SMCO3: variants seen among roughly 807,000 people sequenced by gnomAD.
The protein encoded by SMCO3 is single-pass membrane protein with coiled-coil domains 3.
A neutral mutation model predicts 12.0 loss-of-function variants in SMCO3; 6 were observed. The observed-to-expected ratio is 0.50, with a 90% CI of 0.27 to 0.99. The LOEUF is 0.99. Ranked by LOEUF, SMCO3 falls within the 50% of genes least tolerant of loss-of-function variation. The probability of loss-of-function intolerance (pLI) is 0.11; values close to 1 mark genes in which losing one functional copy is unlikely to be tolerated. For missense variants in SMCO3, 279 were observed against 265.0 expected (o/e 1.05, Z -0.37); for synonymous variants, 96 against 96.4 (o/e 1.00, Z 0.02).
In SMCO3 at chr12:14,805,961, A is replaced by C; in HGVS notation, c.*42T>G. 1 of 1,537,290 alleles carries C rather than the reference A, an allele frequency of 6.5e-7. No individual in the cohort carries two copies. Among genetic ancestry groups the C allele is most frequent in the Non-Finnish European group, 8.8e-7 (1 of 1,138,008 alleles). The stretch of plus-strand genomic sequence containing the variant: ...CAAAGAAGCAAACACTGTTACTGAA[A>C]AGGAAGCAGAAAAACACTTCAGTGG... On this transcript the variant is annotated 3_prime_UTR_variant, in exon 2 of 2. Coordinates refer to ENST00000316048, the MANE Select transcript of SMCO3 (RefSeq NM_001013698.2).
At chr12:14,807,843 A>AG (rs1289462992) in intron 1 of SMCO3, among the ~76,000 whole-genome samples, 2 of 152,164 alleles carry the variant, frequency 1.3e-5, no homozygotes, top group Admixed American at 6.5e-5. Flanking sequence ...AGTGAACGTC[A>AG]GAAAAAAAAT....
chr12:14,807,887 C>T (rs538241218), intron 1 of SMCO3, among the ~76,000 whole-genome samples: 4 of 152,190 alleles, frequency 2.6e-5, no homozygotes, highest in South Asian at 2.1e-4. Context: ...AATAAGGGGC[C>T]GGGCATGGTG....
chr12:14,810,792 G>A (rs1950124200), intron 1 of SMCO3, among the ~76,000 whole-genome samples: 2 of 152,138 alleles, frequency 1.3e-5, no homozygotes, highest in Admixed American at 1.3e-4. Flanking sequence ...ACCATAGTTG[G>A]CAGTGTGCAG....
At chr12:14,809,997 C>A (rs907690414) in intron 1 of SMCO3, among the ~76,000 whole-genome samples, 8 of 152,218 alleles carry the variant, frequency 5.3e-5, no homozygotes, top group Non-Finnish European at 8.8e-5. Context: ...CTTGCTCTTG[C>A]ACTTGCGCTT....
chr12:14,812,730 G>T (rs1239356284), intron 1 of SMCO3, among the ~76,000 whole-genome samples: 4 of 151,710 alleles, frequency 2.6e-5, no homozygotes, highest in South Asian at 2.1e-4. Context: ...TTTATAGCAG[G>T]ATACTGGGTA....
In SMCO3 at chr12:14,805,955, A is replaced by G. The variant is rs1950041132; in HGVS notation, c.*48T>C. 6.6e-7 allele frequency: 1 copy of G among 1,514,398 alleles called. No individual in the cohort carries two copies. The highest frequency in any genetic ancestry group is 8.9e-7 in the Non-Finnish European group (1 of 1,119,536). The allele number at this position is 1,514,398 out of a possible 1,614,324, so 93.8% of individuals were successfully genotyped here. On this transcript the variant is annotated 3_prime_UTR_variant, in exon 2 of 2. Transcript: ENST00000316048. ...CCTAATCAAAGAAGCAAACACTGTT[A>G]CTGAAAAGGAAGCAGAAAAACACTT... is the stretch of plus-strand genomic sequence containing the variant.
chr12:14,812,365 G>A lies in SMCO3; in HGVS notation c.-17+1761C>T, dbSNP rs1319442177. On this transcript the variant is annotated intron_variant, in intron 1 of 1. Transcript: ENST00000316048. ...AGGCTGAGGCAGGAGAATGGCATGA[G>A]CCTGGGAGGCAGAGCTTGCAGTGAG... Among the ~76,000 whole-genome samples, 39 of 152,252 alleles carry A rather than the reference G, an allele frequency of 2.6e-4. No homozygotes were observed. The South Asian group carries it at 7.9e-3, about 31-fold the overall frequency.
chr12:14,808,791 T>C (rs967235310), intron 1 of SMCO3, among the ~76,000 whole-genome samples: 1 of 152,174 alleles, frequency 6.6e-6, no homozygotes, highest in African/African-American at 2.4e-5. Context: ...CATACACATA[T>C]ATACAGGCAT....
chr12:14,811,179 A>G (rs898465199), intron 1 of SMCO3, among the ~76,000 whole-genome samples: 15 of 152,210 alleles, frequency 9.9e-5, no homozygotes, highest in African/African-American at 3.6e-4. Flanking sequence ...CACTTGGGGA[A>G]TTACCATCCA....
In SMCO3 at chr12:14,809,054, T is replaced by G. The variant is rs1314127499; in HGVS notation, c.-16-2358A>C. On this transcript the variant is annotated intron_variant, in intron 1 of 1. Coordinates refer to ENST00000316048, the MANE Select transcript of SMCO3 (RefSeq NM_001013698.2). Reference sequence around the variant, plus strand: ...TTATTATGAAGTGAAAACTCTAGTTTCTGACTGACAGGAGAAAATTAGCTA... The same window carrying G: ...TTATTATGAAGTGAAAACTCTAGTTGCTGACTGACAGGAGAAAATTAGCTA... 5.3e-5 allele frequency among the ~76,000 whole-genome samples: 8 copies of G among 152,358 alleles called. No homozygotes were observed. In the East Asian group the frequency reaches 1.5e-3, roughly 29 times the overall value.
intron 1 of SMCO3, 48 bp downstream of exon 1, chr12:14,814,078 G>A (rs980106686): frequency 6.6e-6 from 1 of 152,150 alleles, no homozygotes; most frequent in African/African-American, 2.4e-5. Context: ...CTACTACTGA[G>A]AAACAGAGTA....
intron 1 of SMCO3, among the ~76,000 whole-genome samples, chr12:14,810,176 G>A (rs1252834454): frequency 1.3e-5 from 2 of 152,146 alleles, no homozygotes; most frequent in Non-Finnish European, 2.9e-5. Context: ...GGTGGGGAGT[G>A]GGGAGGGTTT....
chr12:14,812,828 G>C (rs1289821260), intron 1 of SMCO3, among the ~76,000 whole-genome samples: 2 of 151,986 alleles, frequency 1.3e-5, no homozygotes, highest in Admixed American at 6.6e-5. Context: ...GTGTTGCTGA[G>C]GTTTACTGTG....
Position 14,805,665 on chromosome 12 carries a change from T to G in SMCO3, c.*338A>C. ...AAGTCTCTGCATTCAATGTGAAATT[T>G]AAGAATTTTACTGAAATTAGAAAAG... On this transcript the variant is annotated 3_prime_UTR_variant, in exon 2 of 2. Coordinates refer to ENST00000316048, the MANE Select transcript of SMCO3 (RefSeq NM_001013698.2). The G allele has an allele frequency of 5.2e-6, 1 of 193,398 alleles. No homozygotes were observed. Among genetic ancestry groups the G allele is most frequent in the Non-Finnish European group, 1.0e-5 (1 of 95,782 alleles). 12.0% of individuals were successfully genotyped at this position (193,398 alleles called of 1,614,324 possible).
intron 1 of SMCO3, among the ~76,000 whole-genome samples, chr12:14,809,623 G>A (rs771685523): frequency 1.1e-4 from 17 of 152,064 alleles, no homozygotes; most frequent in Non-Finnish European, 1.9e-4. Flanking sequence ...AATTGTTAGT[G>A]TAATATATGT....
Position 14,806,045 on chromosome 12 carries a change from G to A in SMCO3, c.636C>T (p.Ala212=). ...TCACTGTATTGATGACCTCAGTAAT[G>A]GCATGATTATATTTTTCTGAGGCTG... The part of the protein sequence containing the change: ...FKSASEKYNH[A]ITEVINTVKH... Residue 212 remains alanine (A), a synonymous_variant, in exon 2 of 2, where the codon GCC becomes GCT. Coordinates refer to ENST00000316048, the MANE Select transcript of SMCO3 (RefSeq NM_001013698.2). 6.2e-7 allele frequency: 1 copy of A among 1,614,090 alleles called. No homozygotes were observed. Among genetic ancestry groups the A allele is most frequent in the Non-Finnish European group, 8.5e-7 (1 of 1,180,004 alleles).
At chr12:14,809,452 G>C (rs1012735312) in intron 1 of SMCO3, among the ~76,000 whole-genome samples, 1 of 152,050 alleles carries the variant, frequency 6.6e-6, no homozygotes, top group African/African-American at 2.4e-5. Context: ...ACAGGTACAA[G>C]AGTCAGTGAA....
chr12:14,808,343 T>C (rs1025116811), intron 1 of SMCO3, among the ~76,000 whole-genome samples: 5 of 152,164 alleles, frequency 3.3e-5, no homozygotes, highest in Admixed American at 6.5e-5. Context: ...ATGCATACTT[T>C]GAGTAGCCTT....
At chr12:14,807,971 G>C (rs900473622) in intron 1 of SMCO3, among the ~76,000 whole-genome samples, 1 of 152,100 alleles carries the variant, frequency 6.6e-6, no homozygotes, top group Non-Finnish European at 1.5e-5. Flanking sequence ...TTCAAGACCA[G>C]CCTGGCCAAC....
Sources: allele counts gnomAD v4.1 joint callset (sites outside exome capture counted in the v4.1 genomes callset), GRCh38; gene constraint gnomAD v4.1.1; transcripts MANE v1.5; gene names NCBI Gene and HGNC (gene_info 2026-07-23, HGNC 2026-07-21).